The following VWA8 variants were observed in gnomAD, a reference collection of about 807,000 sequenced individuals.
VWA8 encodes the protein von Willebrand factor A domain-containing protein 8.
Under a neutral mutation model 241.5 loss-of-function variants are expected in VWA8, and 221 were observed. The ratio of observed to expected loss-of-function variants is 0.91; its 90% CI spans 0.82 to 1.02. The LOEUF is 1.02. Ranked by LOEUF, VWA8 falls within the 50% of genes least tolerant of loss-of-function variation. The pLI, the probability that VWA8 is intolerant of heterozygous loss-of-function variation, is 0.00. For missense variants in VWA8, 2,322 were observed against 2,328.7 expected, an observed-to-expected ratio of 1.00 and a Z score of 0.06; for synonymous variants, 852 against 827.1, an observed-to-expected ratio of 1.03 and a Z score of -0.52.
intron 35 of VWA8, among the ~76,000 whole-genome samples, chr13:41,679,814 G>T (rs889089930): frequency 2.0e-5 from 3 of 152,192 alleles, no homozygotes; most frequent in Admixed American, 1.3e-4. Context: ...TATCAAAAAG[G>T]CTTAAAGAAC....
rs773893204 is a variant in VWA8 at position 41,675,166 on chromosome 13, C to T, written c.4409+49G>A. On this transcript the variant is annotated intron_variant, in intron 36 of 44. Transcript: ENST00000379310. ...ATTCAGAGTACTTAGCAAGAATTTA[C>T]TCATTTTTTATGACATACTAAGCTA... 4 of 1,385,066 alleles carry T rather than the reference C, an allele frequency of 2.9e-6. No individual in the cohort carries two copies. In the South Asian group the frequency reaches 4.9e-5, roughly 17 times the overall value. 85.8% of individuals were successfully genotyped at this position (1,385,066 alleles called of 1,614,324 possible). A position where few individuals can be genotyped will look rare whatever the true frequency, so the allele number is the denominator to read the frequency against.
chr13:41,709,711 T>G (rs2045304125), intron 26 of VWA8, among the ~76,000 whole-genome samples: 1 of 152,096 alleles, frequency 6.6e-6, no homozygotes, highest in Admixed American at 6.6e-5. Context: ...TCCTGAGTCT[T>G]GGTTCCCTCT....
intron 37 of VWA8, among the ~76,000 whole-genome samples, chr13:41,654,504 T>C (rs553669994): frequency 1.6e-4 from 24 of 152,208 alleles, no homozygotes; most frequent in Non-Finnish European, 3.2e-4. Flanking sequence ...TCATCAGGCA[T>C]TAGATTCTCA....
intron 21 of VWA8, among the ~76,000 whole-genome samples, chr13:41,747,543 A>C (rs371925847): frequency 2.6e-5 from 4 of 152,200 alleles, no homozygotes; most frequent in South Asian, 4.1e-4. Context: ...GTCACCTGCA[A>C]ACAGGGACAA....
rs1041992757 is a variant in VWA8 at position 41,891,693 on chromosome 13, C to T, written c.484-106G>A. ...AAGTTGCAGTTCTTGTTATAGGGAC[C>T]AGAAATCAATAAAGCTGAGTTCCAG... is the stretch of plus-strand genomic sequence containing the variant. On this transcript the variant is annotated intron_variant, in intron 4 of 44. Coordinates refer to ENST00000379310, the MANE Select transcript of VWA8 (RefSeq NM_015058.2). The T allele has an allele frequency of 9.9e-6, 12 of 1,208,286 alleles. No homozygotes were observed. In the African/African-American group the frequency reaches 1.5e-4, roughly 15 times the overall value. 74.8% of individuals were successfully genotyped at this position (1,208,286 alleles called of 1,614,324 possible).
intron 1 of VWA8, 135 bp from the exon 2 acceptor site, chr13:41,950,148 A>G (rs1317394290): frequency 2.1e-6 from 1 of 478,178 alleles, no homozygotes; most frequent in Non-Finnish European, 3.8e-6. Flanking sequence ...TAAGTCAAGC[A>G]CTATGCTCTA....
chr13:41,663,112 C>T (rs1176044983), intron 37 of VWA8, among the ~76,000 whole-genome samples: 2 of 152,148 alleles, frequency 1.3e-5, no homozygotes, highest in East Asian at 3.9e-4. Flanking sequence ...GGTTTTATAG[C>T]TGCATTCAGT....
At chr13:41,771,415 G>A (rs912891648) in intron 20 of VWA8, among the ~76,000 whole-genome samples, 1 of 150,770 alleles carries the variant, frequency 6.6e-6, no homozygotes, top group Non-Finnish European at 1.5e-5. Flanking sequence ...GAGCCACCTC[G>A]CCCAGCCTAA....
intron 43 of VWA8, among the ~76,000 whole-genome samples, chr13:41,574,276 A>G (rs967450657): frequency 2.0e-5 from 3 of 152,164 alleles, no homozygotes; most frequent in African/African-American, 7.2e-5. Context: ...GCTATATGCC[A>G]ACAATGACCA....
intron 26 of VWA8, among the ~76,000 whole-genome samples, chr13:41,712,477 T>A (rs951158574): frequency 6.6e-6 from 1 of 152,194 alleles, no homozygotes; most frequent in Non-Finnish European, 1.5e-5. Context: ...AACATTAATA[T>A]GAGGAAAACT....
At chr13:41,792,904 G>C (rs1230260226) in intron 17 of VWA8, among the ~76,000 whole-genome samples, 3 of 151,884 alleles carry the variant, frequency 2.0e-5, no homozygotes, top group Non-Finnish European at 2.9e-5. Context: ...ATTGATTTGG[G>C]AGTATAAATA....
At chr13:41,639,007 G>A (rs1472764161) in intron 37 of VWA8, among the ~76,000 whole-genome samples, 1 of 152,152 alleles carries the variant, frequency 6.6e-6, no homozygotes, top group Non-Finnish European at 1.5e-5. Flanking sequence ...CTGAGCTTGG[G>A]AAGTCAAAGG....
chr13:41,629,009 CCA>C (rs1334229628), intron 37 of VWA8, among the ~76,000 whole-genome samples: 6 of 152,086 alleles, frequency 3.9e-5, no homozygotes. Context: ...CCACTGCACT[CCA>C]GTCTGGCGAC....
At chr13:41,901,108 ATTTTTT>A (rs34752001) in intron 4 of VWA8, among the ~76,000 whole-genome samples, 1 of 123,580 alleles carries the variant, frequency 8.1e-6, no homozygotes, top group Non-Finnish European at 1.7e-5. Context: ...CATGATCATC[ATTTTTT>A]TTTTTTTTTT....
At chr13:41,650,151 T>C (rs755088234) in intron 37 of VWA8, among the ~76,000 whole-genome samples, 1 of 152,172 alleles carries the variant, frequency 6.6e-6, no homozygotes, top group African/African-American at 2.4e-5. Flanking sequence ...CTTTCTATTA[T>C]TGTACAGATT....
intron 9 of VWA8, among the ~76,000 whole-genome samples, chr13:41,871,934 T>A (rs1002454100): frequency 3.3e-5 from 5 of 152,190 alleles, no homozygotes; most frequent in Non-Finnish European, 7.3e-5. Flanking sequence ...AGTGTAGAAG[T>A]GTTCCTATTT....
At chr13:41,755,386 G>C (rs529577863) in intron 21 of VWA8, among the ~76,000 whole-genome samples, 46 of 151,918 alleles carry the variant, frequency 3.0e-4, no homozygotes, top group African/African-American at 9.4e-4. Flanking sequence ...AATATTGTTG[G>C]AGATACTTAG....
intron 2 of VWA8, among the ~76,000 whole-genome samples, chr13:41,915,636 T>C (rs954709900): frequency 6.6e-6 from 1 of 152,218 alleles, no homozygotes; most frequent in African/African-American, 2.4e-5. Flanking sequence ...AGTTTCTCTC[T>C]ATTTCCTTTA....
chr13:41,825,952 G>A (rs1033262629), intron 14 of VWA8, among the ~76,000 whole-genome samples: 3 of 152,158 alleles, frequency 2.0e-5, no homozygotes, highest in Non-Finnish European at 4.4e-5. Context: ...GTACAAATTT[G>A]CTGCTTTTAC....
Sources: allele counts gnomAD v4.1 joint callset (sites outside exome capture counted in the v4.1 genomes callset), GRCh38; gene constraint gnomAD v4.1.1; transcripts MANE v1.5; gene names NCBI Gene and HGNC (gene_info 2026-07-23, HGNC 2026-07-21).